The following LRP1B variants were observed in gnomAD, a reference collection of about 807,000 sequenced individuals.
LRP1B encodes low-density lipoprotein receptor-related protein 1B.
LRP1B carries 217 observed loss-of-function variants against 556.6 expected under a neutral mutation model. That is an observed-to-expected ratio of 0.39 (90% confidence interval 0.35 to 0.44). The LOEUF is 0.44. Among genes scored for constraint, LRP1B ranks in the 20% least tolerant of loss-of-function variants. LRP1B has a pLI of 1.00. For synonymous variants in LRP1B, 2,047 were observed against 1,865.8 expected (o/e 1.10, Z -2.50); for missense variants, 5,053 against 5,620.8 (o/e 0.90, Z 3.23).
intron 17 of LRP1B, among the ~76,000 whole-genome samples, chr2:140,985,322 AGTC>A (rs1696887236): frequency 6.6e-6 from 1 of 151,280 alleles, no homozygotes; most frequent in South Asian, 2.1e-4. Flanking sequence ...TGTAAAGAAA[AGTC>A]TAATTTTTAA....
At chr2:141,646,899 G>A (rs1318746872) in intron 2 of LRP1B, among the ~76,000 whole-genome samples, 12 of 152,150 alleles carry the variant, frequency 7.9e-5, no homozygotes, top group Non-Finnish European at 1.6e-4. Flanking sequence ...GTCAAGGGGG[G>A]AACAAGCTCC....
rs888440173 is a variant in LRP1B, at chr2:140,601,073, T to C, written c.6989+377A>G. ...GGAGATCTCCAGATGCTATAATTAC[T>C]TGATTAAAATGCAAAAAAAAAAAAA... is the stretch of plus-strand genomic sequence containing the variant. On this transcript the variant is annotated intron_variant, in intron 42 of 90. Transcript: ENST00000389484. Among the ~76,000 whole-genome samples the C allele has an allele frequency of 5.7e-5, 6 of 104,832 alleles. No homozygotes were observed. The East Asian group carries it at 1.7e-3, about 30-fold the overall frequency. 68.8% of individuals were successfully genotyped at this position (104,832 alleles called of 152,430 possible).
In LRP1B at chr2:141,762,077, C is replaced by CT. The variant is rs558564186; in HGVS notation, c.205+48201dup. On this transcript the variant is annotated intron_variant, in intron 2 of 90. Coordinates refer to ENST00000389484, the MANE Select transcript of LRP1B (RefSeq NM_018557.3). Reference sequence around the variant, plus strand: ...AAGGTGTTTTCTTTATGGTTATTGTCTTTTTTTTTTCTTTTATATTTAGTT... The same window carrying CT: ...AAGGTGTTTTCTTTATGGTTATTGTCTTTTTTTTTTTCTTTTATATTTAGTT... Among the ~76,000 whole-genome samples the CT allele has an allele frequency of 6.7e-4, 100 of 149,012 alleles. No individual in the cohort carries two copies. In the East Asian group the frequency reaches 0.012, roughly 17 times the overall value.
chr2:140,990,192 A>G (rs1368805998), intron 16 of LRP1B, among the ~76,000 whole-genome samples: 1 of 122,794 alleles, frequency 8.1e-6, no homozygotes, highest in Admixed American at 7.8e-5. Context: ...GCGAAACTCC[A>G]TCTCAAAAAA....
intron 35 of LRP1B, among the ~76,000 whole-genome samples, chr2:140,748,431 T>TTA (rs1242352468): frequency 2.3e-5 from 2 of 85,196 alleles, no homozygotes; most frequent in Non-Finnish European, 4.6e-5. Context: ...TATATTATAT[T>TTA]TATATATATA....
chr2:141,648,557 T>G (rs1319548322), intron 2 of LRP1B, among the ~76,000 whole-genome samples: 1 of 152,224 alleles, frequency 6.6e-6, no homozygotes, highest in Non-Finnish European at 1.5e-5. Context: ...TCTTTGTATA[T>G]TTGTTTCCTA....
Position 141,975,709 on chromosome 2 carries a change from G to A in LRP1B, c.82+154939C>T, listed in dbSNP as rs141492610. ...GCAAGTGACCAGGCATTAAACTGTG[G>A]TGAGTCAGGATTATCCCAAGCAGAT... On this transcript the variant is annotated intron_variant, in intron 1 of 90. Coordinates refer to ENST00000389484, the MANE Select transcript of LRP1B (RefSeq NM_018557.3). Among the ~76,000 whole-genome samples, 437 of 152,156 alleles carry A rather than the reference G, an allele frequency of 2.9e-3. 5 individuals carry two copies. The highest frequency in any genetic ancestry group is 0.01 in the African/African-American group (422 of 41,512).
intron 35 of LRP1B, among the ~76,000 whole-genome samples, chr2:140,721,006 A>C (rs947000513): frequency 2.6e-5 from 4 of 152,044 alleles, no homozygotes; most frequent in African/African-American, 9.7e-5. Context: ...CTTTTTCTTC[A>C]TCCCCCATTT....
intron 1 of LRP1B, among the ~76,000 whole-genome samples, chr2:141,897,741 GT>G (rs964037828): frequency 2.0e-5 from 3 of 152,068 alleles, no homozygotes; most frequent in African/African-American, 2.4e-5. Flanking sequence ...AAAATACTCA[GT>G]TTTTTTAGCC....
chr2:141,570,097 T>G, intron 2 of LRP1B, among the ~76,000 whole-genome samples: 1 of 150,428 alleles, frequency 6.6e-6, no homozygotes, highest in East Asian at 1.9e-4. Context: ...GGGGCCGAGA[T>G]GACTGACTAG....
intron 2 of LRP1B, among the ~76,000 whole-genome samples, chr2:141,612,753 C>T (rs940252515): frequency 2.0e-5 from 3 of 152,166 alleles, no homozygotes; most frequent in Non-Finnish European, 2.9e-5. Flanking sequence ...CTTCGCATCA[C>T]TCAGTTTTTC....
Position 140,457,608 on chromosome 2 carries a change from A to G in LRP1B, c.9669T>C (p.Phe3223=), listed in dbSNP as rs1687154787. 6.2e-7 allele frequency: 1 copy of G among 1,613,798 alleles called. No individual in the cohort carries two copies. The highest frequency in any genetic ancestry group is 8.5e-7 in the Non-Finnish European group (1 of 1,179,736). Residue 3223 remains phenylalanine, a synonymous_variant, in exon 61 of 91, where the codon TTT becomes TTC. Transcript: ENST00000389484. ...CATCAGTCCAGTAGATGTAGTCTTC[A>G]AACAATGTTAGTGCAATCACCCCTG... is the stretch of plus-strand genomic sequence containing the variant. ...DIPGVIALTL[F]EDYIYWTDGK...
chr2:141,135,340 G>T (rs966121796), intron 7 of LRP1B, among the ~76,000 whole-genome samples: 7 of 151,824 alleles, frequency 4.6e-5, no homozygotes, highest in African/African-American at 1.5e-4. Flanking sequence ...TTTCCTTCTG[G>T]CATCTGAAAT....
intron 2 of LRP1B, among the ~76,000 whole-genome samples, chr2:141,534,585 AAC>A (rs2105197848): frequency 6.6e-6 from 1 of 152,216 alleles, no homozygotes; most frequent in South Asian, 2.1e-4. Flanking sequence ...TTTCCAGCTC[AAC>A]ACACACAGAA....
intron 2 of LRP1B, among the ~76,000 whole-genome samples, chr2:141,666,938 G>A (rs144096784): frequency 1.6e-3 from 240 of 152,130 alleles, no homozygotes; most frequent in African/African-American, 5.6e-3. Flanking sequence ...GTCATTTGAA[G>A]TTTTGCACTG....
intron 86 of LRP1B, among the ~76,000 whole-genome samples, chr2:140,267,652 T>C (rs1336014700): frequency 6.6e-6 from 1 of 151,910 alleles, no homozygotes; most frequent in East Asian, 1.9e-4. Context: ...CAAATACTTC[T>C]GATTTGCACT....
In LRP1B at chr2:142,018,787, C is replaced by CTT. The variant is rs562470957; in HGVS notation, c.82+111859_82+111860dup. On this transcript the variant is annotated intron_variant, in intron 1 of 90. Coordinates refer to ENST00000389484, the MANE Select transcript of LRP1B (RefSeq NM_018557.3). ...AATGAAATTCCAATCCTGACTTACG[C>CTT]TTTTTTTTTTTCCCCAGAAGCCAGA... Among the ~76,000 whole-genome samples, 1,168 of 145,746 alleles carry CTT rather than the reference C, an allele frequency of 8.0e-3. 10 individuals are homozygous for CTT. Among genetic ancestry groups the CTT allele is most frequent in the African/African-American group, 0.027 (1,070 of 40,088 alleles).
intron 37 of LRP1B, among the ~76,000 whole-genome samples, chr2:140,710,919 T>A (rs959956073): frequency 2.6e-5 from 4 of 151,958 alleles, no homozygotes; most frequent in African/African-American, 9.7e-5. Context: ...GAAGAAAACA[T>A]GTGGAAAGTA....
chr2:140,878,178 T>C (rs1693368741), intron 25 of LRP1B, among the ~76,000 whole-genome samples: 2 of 152,138 alleles, frequency 1.3e-5, no homozygotes, highest in South Asian at 4.1e-4. Context: ...TATTACACAA[T>C]CCCTACTAGT....
Sources: gnomAD v4.1 joint callset for allele counts (sites outside exome capture counted in the v4.1 genomes callset) on GRCh38, gnomAD v4.1.1 for gene constraint, MANE v1.5 for transcripts, NCBI Gene and HGNC (gene_info 2026-07-23, HGNC 2026-07-21) for gene names.